The following PRKDC variants were observed in gnomAD, a reference collection of about 807,000 sequenced individuals.
The protein encoded by PRKDC is DNA-dependent protein kinase catalytic subunit.
A neutral mutation model predicts 486.9 loss-of-function variants in PRKDC; 82 were observed. The ratio of observed to expected loss-of-function variants is 0.17; its 90% CI spans 0.14 to 0.20. The LOEUF (loss-of-function observed/expected upper bound fraction) is 0.20. Among genes scored for constraint, PRKDC ranks in the 10% least tolerant of loss-of-function variants. The pLI is 1.00. For synonymous variants in PRKDC, 1,895 were observed against 1,837.0 expected (o/e 1.03, Z -0.81); for missense variants, 4,504 against 5,038.2 (o/e 0.89, Z 3.21).
In PRKDC at chr8:47,888,999, G is replaced by A. The variant is rs766091608; in HGVS notation, c.4280+15C>T. The A allele has an allele frequency of 1.1e-5, 17 of 1,608,668 alleles. No homozygotes were observed. Among genetic ancestry groups the A allele is most frequent in the Non-Finnish European group, 1.4e-5 (16 of 1,175,692 alleles). ...TCCAGGACAACATGTCCCCGATTGT[G>A]ACCCAAGTACCCACCTCTGTGCTGT... On this transcript the variant is annotated intron_variant, in intron 33 of 85. Coordinates refer to ENST00000314191, the MANE Select transcript of PRKDC (RefSeq NM_006904.7).
intron 55 of PRKDC, among the ~76,000 whole-genome samples, chr8:47,839,776 T>C (rs1212012686): frequency 1.3e-5 from 2 of 152,116 alleles, no homozygotes; most frequent in African/African-American, 2.4e-5. Context: ...AATGTTAATG[T>C]TGCCCAGGCA....
intron 21 of PRKDC, among the ~76,000 whole-genome samples, chr8:47,926,049 A>G (rs953217563): frequency 6.6e-6 from 1 of 152,232 alleles, no homozygotes; most frequent in Non-Finnish European, 1.5e-5. Flanking sequence ...TAAAACAATC[A>G]CAGTAACTTC....
chr8:47,935,303 C>T (rs541118583), intron 13 of PRKDC, among the ~76,000 whole-genome samples: 6 of 152,136 alleles, frequency 3.9e-5, no homozygotes, highest in Admixed American at 3.9e-4. Context: ...AGTTCGAGAC[C>T]AGCCTAGCCA....
intron 40 of PRKDC, among the ~76,000 whole-genome samples, chr8:47,875,287 T>C (rs1280111307): frequency 6.6e-6 from 1 of 152,214 alleles, no homozygotes; most frequent in Non-Finnish European, 1.5e-5. Context: ...TTCTGAGAGG[T>C]CAGTGGTAAT....
chr8:47,790,749 A>T (rs1226893076), intron 74 of PRKDC, among the ~76,000 whole-genome samples: 6 of 152,232 alleles, frequency 3.9e-5, no homozygotes, highest in Non-Finnish European at 8.8e-5. Flanking sequence ...AGAACCCAGA[A>T]ATAAATTCAC....
At position 47,826,832 on chromosome 8, in the gene PRKDC, C is replaced by T. The variant is rs1232981259; in HGVS notation, c.8607G>A (p.Leu2869=). 1.9e-6 allele frequency: 3 copies of T among 1,596,750 alleles called. No individual in the cohort carries two copies. Among genetic ancestry groups the T allele is most frequent in the Non-Finnish European group, 2.6e-6 (3 of 1,170,230 alleles). The part of the protein sequence containing the change: ...QDISCQHAAL[L]SLDPAAVSAG... Reference sequence around the variant, plus strand: ...CGCTAACAGCCGCTGGGTCGAGGCTCAGCAGGGCTGCGTGCTGACAGCTAA... The same window carrying T: ...CGCTAACAGCCGCTGGGTCGAGGCTTAGCAGGGCTGCGTGCTGACAGCTAA... Residue 2869 remains leucine, a synonymous_variant, in exon 63 of 86, where the codon CTG becomes CTA. Transcript: ENST00000314191.
chr8:47,943,167 T>C, intron 10 of PRKDC, 42 bp downstream of exon 10: 1 of 1,590,740 alleles, frequency 6.3e-7, no homozygotes, highest in Non-Finnish European at 8.6e-7. Context: ...TAATTCTGTG[T>C]GTGAAAGAAA....
chr8:47,900,560 T>C, intron 27 of PRKDC, 93 bp from the exon 28 acceptor site: 2 of 1,227,172 alleles, frequency 1.6e-6, no homozygotes, highest in Non-Finnish European at 2.3e-6. Context: ...AGGCACACAT[T>C]AATTAAATTT....
chr8:47,877,959 A>G (rs1050372486), intron 39 of PRKDC, 108 bp from the exon 40 acceptor site: 3 of 801,554 alleles, frequency 3.7e-6, no homozygotes, highest in South Asian at 5.2e-5. Context: ...AATAAAAAAT[A>G]TAACATACAG....
rs550125667 is a variant in PRKDC, at chr8:47,807,618, CTG to C, written c.9558-294_9558-293del. 3.4e-3 allele frequency among the ~76,000 whole-genome samples: 512 copies of C among 151,666 alleles called. 1 individual carries two copies. The highest frequency in any genetic ancestry group is 0.012 in the African/African-American group (485 of 41,324). Reference sequence around the variant, plus strand: ...TATTTTTAGTAGAGACGGGGTTTCACTGTGTTAGCCAGGATGGTCTCGATCTC... The same window carrying C: ...TATTTTTAGTAGAGACGGGGTTTCACTGTTAGCCAGGATGGTCTCGATCTC... On this transcript the variant is annotated intron_variant, in intron 68 of 85. Transcript: ENST00000314191.
chr8:47,805,802 G>A (rs1335534042), intron 69 of PRKDC, among the ~76,000 whole-genome samples: 2 of 152,126 alleles, frequency 1.3e-5, no homozygotes, highest in African/African-American at 4.8e-5. Context: ...TTTCTAGCCA[G>A]ACACTCTCAT....
chr8:47,856,874 G>A (rs963491173), intron 49 of PRKDC, among the ~76,000 whole-genome samples: 12 of 152,166 alleles, frequency 7.9e-5, no homozygotes, highest in Admixed American at 7.9e-4. Flanking sequence ...TAATAAATTT[G>A]CAATCTCATT....
In PRKDC at chr8:47,839,346, T is replaced by C. The variant is rs1043456386; in HGVS notation, c.7455-100A>G. On this transcript the variant is annotated intron_variant, in intron 55 of 85. Transcript: ENST00000314191. Reference sequence around the variant, plus strand: ...ATCTAGAATTCAATTTTAAAAGGCTTGTTTTCCCATTAGACTTTAGATCTC... The same window carrying C: ...ATCTAGAATTCAATTTTAAAAGGCTCGTTTTCCCATTAGACTTTAGATCTC... 9.6e-6 allele frequency: 8 copies of C among 829,226 alleles called. No homozygotes were observed. In the East Asian group the frequency reaches 1.9e-4, roughly 19 times the overall value. 51.4% of individuals were successfully genotyped at this position (829,226 alleles called of 1,614,324 possible). A position where few individuals can be genotyped will look rare whatever the true frequency, so the allele number is the denominator to read the frequency against.
Position 47,855,329 on chromosome 8 carries a change from G to A in PRKDC, c.6654C>T (p.Phe2218=), listed in dbSNP as rs2088510168. The A allele has an allele frequency of 6.3e-7, 1 of 1,599,818 alleles. No individual in the cohort carries two copies. The highest frequency in any genetic ancestry group is 8.5e-7 in the Non-Finnish European group (1 of 1,172,236). The change falls in exon 50 of 86, where the codon TTC becomes TTT. Residue 2218 remains phenylalanine (F), a synonymous_variant. Transcript: ENST00000314191. Reference sequence around the variant, plus strand: ...TTGGATGAAAGACATGTTTCATTAGGAAATTAAGCAATCGATTTGCTAACA... The same window carrying A: ...TTGGATGAAAGACATGTTTCATTAGAAAATTAAGCAATCGATTTGCTAACA... The part of the protein sequence containing the change: ...DEVLANRLLN[F]LMKHVFHPKR...
intron 25 of PRKDC, among the ~76,000 whole-genome samples, chr8:47,906,292 A>G (rs2089780587): frequency 6.6e-6 from 1 of 152,010 alleles, no homozygotes; most frequent in African/African-American, 2.4e-5. Context: ...GGCTTTAGGG[A>G]ACTATGACTG....
chr8:47,790,778 T>C (rs1364941650), intron 74 of PRKDC, among the ~76,000 whole-genome samples: 3 of 152,096 alleles, frequency 2.0e-5, no homozygotes, highest in African/African-American at 7.2e-5. Context: ...AGTGAATCCA[T>C]TTTTTCACAA....
intron 54 of PRKDC, among the ~76,000 whole-genome samples, chr8:47,840,396 C>G (rs750187060): frequency 1.3e-5 from 2 of 152,072 alleles, no homozygotes; most frequent in Non-Finnish European, 2.9e-5. Flanking sequence ...TACACTGGAT[C>G]CTGAAATAGA....
At chr8:47,852,353 C>A (rs1589742689) in intron 52 of PRKDC, among the ~76,000 whole-genome samples, 2 of 152,250 alleles carry the variant, frequency 1.3e-5, no homozygotes, top group Non-Finnish European at 2.9e-5. Context: ...AGGACAATTT[C>A]CTCCACAAGG....
intron 27 of PRKDC, 116 bp from the exon 28 acceptor site, chr8:47,900,583 C>T (rs1337240795): frequency 4.5e-5 from 42 of 935,392 alleles, no homozygotes; most frequent in Non-Finnish European, 5.7e-5. Context: ...TTTTTGTGGC[C>T]GGGTGCGGTG....
Sources: gnomAD v4.1 joint callset for allele counts (sites outside exome capture counted in the v4.1 genomes callset) on GRCh38, gnomAD v4.1.1 for gene constraint, MANE v1.5 for transcripts, NCBI Gene and HGNC (gene_info 2026-07-23, HGNC 2026-07-21) for gene names.